RAD54L2: variants seen among roughly 807,000 people sequenced by gnomAD.
RAD54L2 encodes the protein RAD54 like 2.
Under a neutral mutation model 138.4 loss-of-function variants are expected in RAD54L2, and 27 were observed. The observed-to-expected ratio is 0.20, with a 90% CI of 0.14 to 0.27. The LOEUF is 0.27. RAD54L2 is among the 10% of genes least tolerant of loss of function. RAD54L2 has a pLI of 1.00. For synonymous variants in RAD54L2, 644 were observed against 723.2 expected (o/e 0.89, Z 1.76); for missense variants, 1,396 against 1,890.2 (o/e 0.74, Z 4.85).
At chr3:51,605,382 C>T (rs1700158194) in intron 3 of RAD54L2, among the ~76,000 whole-genome samples, 1 of 151,712 alleles carries the variant, frequency 6.6e-6, no homozygotes, top group South Asian at 2.1e-4. Flanking sequence ...AGCCACTGCA[C>T]CTGGCCTTCC....
rs139597055 is a variant in RAD54L2 at position 51,551,996 on chromosome 3, C to T, written c.-55+10346C>T. ...CAATCTCTTGACCTCGTGATCTGCC[C>T]TCTTCAGCCTCCCAAAGTGCTGGGA... On this transcript the variant is annotated intron_variant, in intron 2 of 22. Coordinates refer to ENST00000684192, the MANE Select transcript of RAD54L2 (RefSeq NM_015106.4). 4.3e-3 allele frequency among the ~76,000 whole-genome samples: 653 copies of T among 151,870 alleles called. 4 individuals are homozygous for T. The highest frequency in any genetic ancestry group is 0.015 in the African/African-American group (623 of 41,428).
intron 19 of RAD54L2, among the ~76,000 whole-genome samples, chr3:51,654,918 C>T (rs147780861): frequency 2.6e-5 from 4 of 152,220 alleles, no homozygotes; most frequent in Non-Finnish European, 5.9e-5. Flanking sequence ...GCAGGGTATG[C>T]GGCTTGGGCT....
intron 1 of RAD54L2, among the ~76,000 whole-genome samples, chr3:51,539,799 G>A (rs571437019): frequency 2.4e-4 from 36 of 152,308 alleles, no homozygotes; most frequent in Admixed American, 1.0e-3. Context: ...TAGGATTCCT[G>A]TTGCTTGCTA....
rs1400387372 is a variant in RAD54L2, at chr3:51,641,764, C to T, written c.2247C>T (p.Thr749=). The T allele has an allele frequency of 1.3e-6, 2 of 1,588,792 alleles. No individual in the cohort carries two copies. The highest frequency in any genetic ancestry group is 2.3e-5 in the East Asian group (1 of 43,890). Residue 749 remains threonine (T), a synonymous_variant, in exon 15 of 23, where the codon ACC becomes ACT. Transcript: ENST00000684192. ...KILVFSQSLS[T]LALIEEFLGK... ...TCTGTTTCAGCCAGAGTCTTTCCACCTTGGCTCTCATCGAGGAATTCCTTG... is the reference window on the plus strand; with the variant it reads ...TCTGTTTCAGCCAGAGTCTTTCCACTTTGGCTCTCATCGAGGAATTCCTTG...
chr3:51,608,893 AATT>A (rs1476182554), intron 3 of RAD54L2, among the ~76,000 whole-genome samples: 2 of 152,028 alleles, frequency 1.3e-5, no homozygotes, highest in South Asian at 4.2e-4. Context: ...AGGGAGAGGT[AATT>A]ATTATTATTT....
At chr3:51,571,477 C>T (rs959617598) in intron 2 of RAD54L2, among the ~76,000 whole-genome samples, 5 of 150,528 alleles carry the variant, frequency 3.3e-5, no homozygotes, top group African/African-American at 9.8e-5. Context: ...CTATAACCTT[C>T]GCCTCCCGGG....
At chr3:51,640,754 T>G (rs1701112728) in intron 14 of RAD54L2, among the ~76,000 whole-genome samples, 1 of 152,226 alleles carries the variant, frequency 6.6e-6, no homozygotes, top group Non-Finnish European at 1.5e-5. Context: ...AGTGATTTTG[T>G]CTCTCTAGTA....
At position 51,662,502 on chromosome 3, in the gene RAD54L2, G is replaced by A. The variant is rs752340211; in HGVS notation, c.3486G>A (p.Glu1162=). Residue 1162 remains glutamate, a synonymous_variant, in exon 23 of 23, where the codon GAG becomes GAA. Coordinates refer to ENST00000684192, the MANE Select transcript of RAD54L2 (RefSeq NM_015106.4). The surrounding 1 kb of genome is among the most constrained non-coding windows in gnomAD (Gnocchi z 4.6). ...CATCACCCAAAGCCCCCGACCCTGA[G>A]GGGCTGGCCAGGCCCGTCTCTCCTG... ...SASSPKAPDP[E]GLARPVSPDS... is the part of the protein sequence containing the mutation. 3 of 1,610,014 alleles carry A rather than the reference G, an allele frequency of 1.9e-6. No individual in the cohort carries two copies. The highest frequency in any genetic ancestry group is 1.1e-5 in the South Asian group (1 of 90,640).
intron 2 of RAD54L2, among the ~76,000 whole-genome samples, chr3:51,581,223 A>G (rs1242380848): frequency 6.6e-6 from 1 of 152,068 alleles, no homozygotes; most frequent in Non-Finnish European, 1.5e-5. Flanking sequence ...TCAGTCTACC[A>G]GGTTGCTGGG....
In RAD54L2 at chr3:51,639,501, T is replaced by TTGGC; in HGVS notation, c.1945_1948dup (p.Ser650TrpfsTer21). ...GAGCAGGACCTAGACGTGGAAGAAC[T>TTGGC]TGGCTCTGCAGGGACCAGTGCCCGC... On this transcript the variant is annotated frameshift_variant, in exon 13 of 23. Transcript: ENST00000684192. LOFTEE classifies it high-confidence loss of function. 6.2e-7 allele frequency: 1 copy of TTGGC among 1,613,986 alleles called. No individual in the cohort carries two copies. The highest frequency in any genetic ancestry group is 8.5e-7 in the Non-Finnish European group (1 of 1,179,882).
At chr3:51,564,667 A>G (rs376673030) in intron 2 of RAD54L2, among the ~76,000 whole-genome samples, 1 of 152,222 alleles carries the variant, frequency 6.6e-6, no homozygotes. Context: ...CTGTAATCCC[A>G]GCACTTTGGG....
rs1255915625 is a variant in RAD54L2 at position 51,656,177 on chromosome 3, ACTC to A, written c.3226+10_3226+12del. On this transcript the variant is annotated splice_region_variant and intron_variant, in intron 20 of 22. Coordinates refer to ENST00000684192, the MANE Select transcript of RAD54L2 (RefSeq NM_015106.4). ...AAGGTGGTCACCACGACAGGTGGGAACTCCTGGGCTCTGTGGCAGAGCTGCTGT... is the reference window on the plus strand; with the variant it reads ...AAGGTGGTCACCACGACAGGTGGGAACTGGGCTCTGTGGCAGAGCTGCTGT... The A allele has an allele frequency of 1.3e-6, 2 of 1,591,836 alleles. No homozygotes were observed. The highest frequency in any genetic ancestry group is 3.4e-5 in the Admixed American group (2 of 59,040).
rs759509721 is a variant in RAD54L2 at position 51,630,767 on chromosome 3, G to A, written c.661G>A (p.Val221Ile). The A allele has an allele frequency of 9.3e-6, 15 of 1,613,892 alleles. No homozygotes were observed. Among genetic ancestry groups the A allele is most frequent in the Non-Finnish European group, 1.1e-5 (13 of 1,179,884 alleles). Reference sequence around the variant, plus strand: ...GCACATTGTGGACAGCAGTGAATCTGTCAGTGAAGATGATGAGGAAGAAGA... The same window carrying A: ...GCACATTGTGGACAGCAGTGAATCTATCAGTGAAGATGATGAGGAAGAAGA... The part of the protein sequence containing the change: ...TLHIVDSSES[V>I]SEDDEEEEKG... Residue 221 changes from valine (V) to isoleucine (I), a missense_variant, in exon 7 of 23, where the codon GTC becomes ATC. Around this residue, in one of 7 missense-constraint regions of RAD54L2, gnomAD observed 256 missense variants for 344.6 expected, o/e 0.74. Coordinates refer to ENST00000684192, the MANE Select transcript of RAD54L2 (RefSeq NM_015106.4).
rs1701090627 is a variant in RAD54L2 at position 51,640,066 on chromosome 3, C to T, written c.2231+67C>T. ...AAAGAATGACAAAACCACCACAGAG[C>T]AAGACCAAGACCACCCCCGCCTCCC... On this transcript the variant is annotated intron_variant, in intron 14 of 22. Transcript: ENST00000684192. 3.4e-6 allele frequency: 4 copies of T among 1,171,916 alleles called. No individual in the cohort carries two copies. In the African/African-American group the frequency reaches 6.1e-5, roughly 18 times the overall value. The allele number at this position is 1,171,916 out of a possible 1,614,324, so 72.6% of individuals were successfully genotyped here.
chr3:51,542,435 A>G (rs141500032), intron 2 of RAD54L2, among the ~76,000 whole-genome samples: 1 of 151,856 alleles, frequency 6.6e-6, no homozygotes, highest in East Asian at 1.9e-4. Flanking sequence ...CAGGTGAGGA[A>G]ATTTTGAGGT....
In RAD54L2 at chr3:51,641,746, C is replaced by T. The variant is rs1701141985; in HGVS notation, c.2232-3C>T. On this transcript the variant is annotated splice_region_variant and splice_polypyrimidine_tract_variant and intron_variant, in intron 14 of 22. Transcript: ENST00000684192. Reference sequence around the variant, plus strand: ...CATCTGAACGAAATGTTTTCTGTTTCAGCCAGAGTCTTTCCACCTTGGCTC... The same window carrying T: ...CATCTGAACGAAATGTTTTCTGTTTTAGCCAGAGTCTTTCCACCTTGGCTC... The T allele has an allele frequency of 1.3e-6, 2 of 1,559,958 alleles. No homozygotes were observed. The highest frequency in any genetic ancestry group is 1.9e-5 in the Admixed American group (1 of 53,954).
At chr3:51,575,837 A>C (rs1357050546) in intron 2 of RAD54L2, among the ~76,000 whole-genome samples, 2 of 152,098 alleles carry the variant, frequency 1.3e-5, no homozygotes, top group African/African-American at 2.4e-5. Context: ...AATACCCTTT[A>C]TTTCTTTCTC....
chr3:51,594,538 A>G (rs1419325604), intron 3 of RAD54L2, among the ~76,000 whole-genome samples: 2 of 152,086 alleles, frequency 1.3e-5, no homozygotes, highest in African/African-American at 4.8e-5. Flanking sequence ...TTTCAAACCA[A>G]TGCTGCTTCT....
At chr3:51,654,339 A>G (rs1448000618) in intron 19 of RAD54L2, among the ~76,000 whole-genome samples, 1 of 152,158 alleles carries the variant, frequency 6.6e-6, no homozygotes, top group African/African-American at 2.4e-5. Context: ...ATAAGCCATC[A>G]TGCCCGGCCA....
Sources: allele counts gnomAD v4.1 joint callset (sites outside exome capture counted in the v4.1 genomes callset), GRCh38; gene constraint gnomAD v4.1.1; regional missense constraint gnomAD v4.1.1; non-coding constraint Gnocchi (gnomAD v3.1); transcripts MANE v1.5; gene names NCBI Gene and HGNC (gene_info 2026-07-23, HGNC 2026-07-21).